Variants in VPS13A observed in about 807,000 individuals in gnomAD.
The protein encoded by VPS13A is vacuolar protein sorting 13 homolog A.
Under a neutral mutation model 390.9 loss-of-function variants are expected in VPS13A, and 264 were observed. That is an observed-to-expected ratio of 0.68 (90% CI 0.61 to 0.75). The LOEUF is 0.75. Ranked by LOEUF, VPS13A falls within the 30% of genes least tolerant of loss-of-function variation. VPS13A has a pLI of 0.00. For synonymous variants in VPS13A, 1,231 were observed against 1,227.1 expected (o/e 1.00, Z -0.07); for missense variants, 3,409 against 3,733.9 (o/e 0.91, Z 2.27).
chr9:77,337,248 C>T lies in VPS13A; in HGVS notation c.6096-7C>T, dbSNP rs190144287. 2.2e-4 allele frequency: 355 copies of T among 1,609,314 alleles called. 1 individual carries two copies. In the East Asian group the frequency reaches 4.9e-3, roughly 22 times the overall value. ...CATTTTAAACTGTATCATTTAATCT[C>T]ATGCAGATCATTCATTTTTCTGAAG... On this transcript the variant is annotated splice_polypyrimidine_tract_variant and splice_region_variant and intron_variant, in intron 46 of 71. Coordinates refer to ENST00000360280, the MANE Select transcript of VPS13A (RefSeq NM_033305.3).
intron 47 of VPS13A, chr9:77,338,096 C>A (rs1258790395): frequency 6.6e-6 from 1 of 152,532 alleles, no homozygotes; most frequent in African/African-American, 2.4e-5. Flanking sequence ...CCACCTCAGC[C>A]CCCCGAGTAG....
chr9:77,323,242 A>T lies in VPS13A; in HGVS notation c.5991+15A>T, dbSNP rs775381227. On this transcript the variant is annotated intron_variant, in intron 45 of 71. Coordinates refer to ENST00000360280, the MANE Select transcript of VPS13A (RefSeq NM_033305.3). ...CCCCAGTGCAGGTATGAAATGATCA[A>T]TTTTGGGGGATGTCCTGTTATGCAT... 4.2e-5 allele frequency: 68 copies of T among 1,612,452 alleles called. 1 individual carries two copies. The South Asian group carries it at 6.6e-4, about 16-fold the overall frequency.
chr9:77,313,109 T>A (rs1829188092), intron 35 of VPS13A, among the ~76,000 whole-genome samples: 1 of 152,176 alleles, frequency 6.6e-6, no homozygotes, highest in Non-Finnish European at 1.5e-5. Context: ...TACTTGTACA[T>A]GCAGCAACAT....
At position 77,419,871 on chromosome 9, in the gene VPS13A, G is replaced by A. The variant is rs903812577; in HGVS notation, c.*3865G>A. The A allele has an allele frequency of 5.3e-5, 8 of 152,176 alleles. No homozygotes were observed. The highest frequency in any genetic ancestry group is 3.9e-4 in the East Asian group (2 of 5,188). 9.4% of individuals were successfully genotyped at this position (152,176 alleles called of 1,614,324 possible). On this transcript the variant is annotated 3_prime_UTR_variant, in exon 72 of 72. Coordinates refer to ENST00000360280, the MANE Select transcript of VPS13A (RefSeq NM_033305.3). The stretch of plus-strand genomic sequence containing the variant: ...GCCTTTAAAAATGGGGAGCTAATAC[G>A]TAGGGCACATTCTGGTAGGGCCAAA...
chr9:77,215,031 G>T (rs1469160950), intron 10 of VPS13A, among the ~76,000 whole-genome samples: 4 of 152,112 alleles, frequency 2.6e-5, no homozygotes, highest in Non-Finnish European at 5.9e-5. Context: ...CTTCCAAAAT[G>T]CTAGGATTAC....
intron 50 of VPS13A, among the ~76,000 whole-genome samples, chr9:77,342,548 C>G (rs1830892551): frequency 6.6e-6 from 1 of 152,106 alleles, no homozygotes; most frequent in African/African-American, 2.4e-5. Context: ...GTGACACATT[C>G]TCTTTCTGAT....
intron 23 of VPS13A, among the ~76,000 whole-genome samples, chr9:77,266,087 T>C (rs1165274111): frequency 6.6e-6 from 1 of 152,208 alleles, no homozygotes; most frequent in African/African-American, 2.4e-5. Context: ...TCAGTTTCCA[T>C]GTAGTTGTGC....
At chr9:77,358,257 C>G in intron 56 of VPS13A, 100 bp from the exon 57 acceptor site, 1 of 1,088,456 alleles carries the variant, frequency 9.2e-7, no homozygotes, top group Non-Finnish European at 1.4e-6. Context: ...TGCTTGGTCA[C>G]CGCTAGACTT....
intron 17 of VPS13A, among the ~76,000 whole-genome samples, chr9:77,229,174 G>A (rs1295612797): frequency 1.3e-5 from 2 of 152,008 alleles, no homozygotes; most frequent in African/African-American, 4.8e-5. Context: ...TGCTTCCTGG[G>A]CTCAGGCTAA....
intron 71 of VPS13A, among the ~76,000 whole-genome samples, chr9:77,408,660 G>C (rs938985274): frequency 7.2e-5 from 11 of 152,216 alleles, no homozygotes; most frequent in African/African-American, 2.4e-4. Context: ...TGCCTGGCTC[G>C]GAGGGTCCTA....
intron 19 of VPS13A, among the ~76,000 whole-genome samples, chr9:77,245,307 G>A (rs943758674): frequency 1.3e-5 from 2 of 152,146 alleles, no homozygotes; most frequent in African/African-American, 4.8e-5. Context: ...GAATACTTGA[G>A]GAATCCTTAG....
intron 54 of VPS13A, among the ~76,000 whole-genome samples, chr9:77,355,258 A>G (rs1225590132): frequency 5.3e-5 from 8 of 152,212 alleles, no homozygotes; most frequent in East Asian, 3.8e-4. Flanking sequence ...CAGCATTACC[A>G]GTGACCTCCA....
intron 17 of VPS13A, among the ~76,000 whole-genome samples, chr9:77,234,204 C>A (rs1447226419): frequency 3.3e-5 from 5 of 152,198 alleles, no homozygotes; most frequent in African/African-American, 1.2e-4. Flanking sequence ...GATACAGGGT[C>A]TTGCTTTGCC....
At chr9:77,220,741 TTA>T (rs916100049) in intron 12 of VPS13A, among the ~76,000 whole-genome samples, 3 of 152,042 alleles carry the variant, frequency 2.0e-5, no homozygotes, top group African/African-American at 7.2e-5. Context: ...TGAACCAATA[TTA>T]TTAAACCTGT....
At chr9:77,273,014 A>C (rs1826436872) in intron 23 of VPS13A, among the ~76,000 whole-genome samples, 1 of 152,184 alleles carries the variant, frequency 6.6e-6, no homozygotes, top group Admixed American at 6.5e-5. Context: ...TTAAAATATA[A>C]GATCTGTTTC....
At chr9:77,180,392 T>C (rs1564611333) in intron 1 of VPS13A, among the ~76,000 whole-genome samples, 1 of 152,374 alleles carries the variant, frequency 6.6e-6, no homozygotes, top group East Asian at 1.9e-4. Flanking sequence ...TTGAAAATAC[T>C]TTCTCAGTCT....
intron 59 of VPS13A, 150 bp from the exon 60 acceptor site, chr9:77,365,310 G>C: frequency 1.6e-6 from 1 of 625,764 alleles, no homozygotes; most frequent in Non-Finnish European, 2.9e-6. Context: ...CTGTCCTATA[G>C]ATAGAGATGT....
intron 23 of VPS13A, among the ~76,000 whole-genome samples, chr9:77,261,183 A>ACCGTGCCCAG (rs1825741753): frequency 6.6e-6 from 1 of 151,844 alleles, no homozygotes; most frequent in African/African-American, 2.4e-5. Flanking sequence ...ACAGGCGTGA[A>ACCGTGCCCAG]CCACCGTGCC....
intron 15 of VPS13A, 120 bp from the exon 16 acceptor site, chr9:77,227,271 A>T: frequency 1.4e-6 from 1 of 735,672 alleles, no homozygotes; most frequent in Non-Finnish European, 2.3e-6. Flanking sequence ...TTCAGTGTTT[A>T]TAATTTCTTA....
Sources: gnomAD v4.1 joint callset for allele counts (sites outside exome capture counted in the v4.1 genomes callset) on GRCh38, gnomAD v4.1.1 for gene constraint, MANE v1.5 for transcripts, NCBI Gene and HGNC (gene_info 2026-07-23, HGNC 2026-07-21) for gene names.